The following DRC1 variants were observed in gnomAD, a reference collection of about 807,000 sequenced individuals.
DRC1 encodes dynein regulatory complex subunit 1.
In DRC1, 74 loss-of-function variants were observed where a neutral mutation model predicts 98.7. That is an observed-to-expected ratio of 0.75 (90% CI 0.62 to 0.91). The LOEUF (loss-of-function observed/expected upper bound fraction) is 0.91, where lower values mean the gene tolerates loss of function less well. Among genes scored for constraint, DRC1 ranks in the 40% least tolerant of loss-of-function variants. The probability of loss-of-function intolerance (pLI) is 0.00; values close to 1 mark genes in which losing one functional copy is unlikely to be tolerated. For missense variants in DRC1, 875 were observed against 886.0 expected (o/e 0.99, Z 0.16); for synonymous variants, 336 against 334.1 (o/e 1.01, Z -0.06).
At chr2:26,423,394 C>T (rs1483394994) in intron 3 of DRC1, among the ~76,000 whole-genome samples, 1 of 152,108 alleles carries the variant, frequency 6.6e-6, no homozygotes, top group Non-Finnish European at 1.5e-5. Flanking sequence ...ACTTCGGTTC[C>T]TCAGGGGGTT....
At chr2:26,451,796 C>A (rs986430485) in intron 13 of DRC1, among the ~76,000 whole-genome samples, 4 of 152,236 alleles carry the variant, frequency 2.6e-5, no homozygotes, top group African/African-American at 9.6e-5. Flanking sequence ...AATTTAAAAA[C>A]AATTCTGTAG....
rs1664077811 is a variant in DRC1 at position 26,454,048 on chromosome 2, G to A, written c.1919+499G>A. Among the ~76,000 whole-genome samples, 1 of 152,206 alleles carries A rather than the reference G, an allele frequency of 6.6e-6. No homozygotes were observed. The highest frequency in any genetic ancestry group is 6.5e-5 in the Admixed American group (1 of 15,290). ...CAGGAGGTCTGGCTGGAGTGTCAAG[G>A]GCCTGGGAGGTGGCACTGGTGGGTG... On this transcript the variant is annotated intron_variant, in intron 14 of 16. Coordinates refer to ENST00000288710, the MANE Select transcript of DRC1 (RefSeq NM_145038.5). The surrounding 1 kb of genome is among the most constrained non-coding windows in gnomAD (Gnocchi z 5.2).
At chr2:26,410,119 A>T (rs1051632273) in intron 1 of DRC1, among the ~76,000 whole-genome samples, 2 of 151,732 alleles carry the variant, frequency 1.3e-5, no homozygotes, top group African/African-American at 4.8e-5. Flanking sequence ...TCAGAGAAAA[A>T]AAATAGAGCT....
intron 10 of DRC1, among the ~76,000 whole-genome samples, chr2:26,447,608 C>A (rs917876833): frequency 6.6e-6 from 1 of 151,600 alleles, no homozygotes; most frequent in Non-Finnish European, 1.5e-5. Flanking sequence ...ACTCTGTTGC[C>A]CAGGCTGGAG....
intron 10 of DRC1, 53 bp from the exon 11 acceptor site, chr2:26,448,638 T>C: frequency 6.3e-7 from 1 of 1,579,750 alleles, no homozygotes; most frequent in Non-Finnish European, 8.7e-7. Flanking sequence ...GTCAACTAGC[T>C]CCAGAAATTA....
At chr2:26,451,091 T>C (rs1359017552) in intron 13 of DRC1, among the ~76,000 whole-genome samples, 1 of 152,238 alleles carries the variant, frequency 6.6e-6, no homozygotes, top group Non-Finnish European at 1.5e-5. Flanking sequence ...TGTCTTTGAG[T>C]AGCACTTCTG....
intron 3 of DRC1, among the ~76,000 whole-genome samples, chr2:26,422,763 A>G (rs1450420224): frequency 6.6e-6 from 1 of 151,916 alleles, no homozygotes; most frequent in Non-Finnish European, 1.5e-5. Flanking sequence ...TAAGAACACA[A>G]AAAATTAGCT....
chr2:26,408,284 C>CTA (rs151331017), intron 1 of DRC1, among the ~76,000 whole-genome samples: 1,541 of 152,096 alleles, frequency 0.01, 31 homozygotes, highest in African/African-American at 0.035. Flanking sequence ...TTGGGGGATG[C>CTA]TAGACAGAGG....
intron 9 of DRC1, 143 bp from the exon 10 acceptor site, chr2:26,444,573 A>G: frequency 9.7e-7 from 1 of 1,025,774 alleles, no homozygotes; most frequent in Non-Finnish European, 1.4e-6. Context: ...AGTTTATCGT[A>G]AGTGGGAATC....
chr2:26,418,526 T>C (rs1452461412), intron 2 of DRC1, among the ~76,000 whole-genome samples: 1 of 116,006 alleles, frequency 8.6e-6, no homozygotes, highest in Non-Finnish European at 1.6e-5. Context: ...TATATATTAA[T>C]AATATACAAT....
intron 2 of DRC1, among the ~76,000 whole-genome samples, chr2:26,418,845 G>T: frequency 7.6e-6 from 1 of 130,772 alleles, no homozygotes; most frequent in Middle Eastern, 4.2e-3. Context: ...TATATATAAA[G>T]CATATTATAT....
At position 26,424,147 on chromosome 2, in the gene DRC1, G is replaced by A. The variant is rs949641914; in HGVS notation, c.357-124G>A. The stretch of plus-strand genomic sequence containing the variant: ...TCAGCATTGAGTTTGATTTTGGGCG[G>A]GTGTGTTTGGGCAGTGCCTAGTACC... On this transcript the variant is annotated intron_variant, in intron 3 of 16. Transcript: ENST00000288710. 1.4e-5 allele frequency: 15 copies of A among 1,097,600 alleles called. No individual in the cohort carries two copies. In the Admixed American group the frequency reaches 1.8e-4, roughly 13 times the overall value. 68.0% of individuals were successfully genotyped at this position (1,097,600 alleles called of 1,614,324 possible). A position where few individuals can be genotyped will look rare whatever the true frequency, so the allele number is the denominator to read the frequency against.
In DRC1 at chr2:26,429,615, T is replaced by C. The variant is rs1663379283; in HGVS notation, c.541-13T>C. On this transcript the variant is annotated splice_polypyrimidine_tract_variant and intron_variant, in intron 4 of 16. Transcript: ENST00000288710. ...CACAGTTTGTGGCCAGACTTTTACATGCTCTTTTCTAGGAGTTAAAAACAA... is the reference window on the plus strand; with the variant it reads ...CACAGTTTGTGGCCAGACTTTTACACGCTCTTTTCTAGGAGTTAAAAACAA... 6.2e-7 allele frequency: 1 copy of C among 1,612,830 alleles called. No individual in the cohort carries two copies. Among genetic ancestry groups the C allele is most frequent in the South Asian group, 1.1e-5 (1 of 91,038 alleles).
At chr2:26,404,164 G>T (rs1232612590) in intron 1 of DRC1, among the ~76,000 whole-genome samples, 1 of 152,136 alleles carries the variant, frequency 6.6e-6, no homozygotes, top group East Asian at 1.9e-4. Flanking sequence ...TGGTGGACTG[G>T]ATCTGTCCCA....
At chr2:26,426,492 G>A (rs1171329975) in intron 4 of DRC1, among the ~76,000 whole-genome samples, 4 of 151,162 alleles carry the variant, frequency 2.6e-5, no homozygotes, top group African/African-American at 7.3e-5. Flanking sequence ...TCAGCCTCCC[G>A]AGAAGCTGAG....
chr2:26,419,858 T>C (rs928291175), intron 2 of DRC1, among the ~76,000 whole-genome samples: 3 of 152,216 alleles, frequency 2.0e-5, no homozygotes, highest in Non-Finnish European at 4.4e-5. Flanking sequence ...AAGAGGGATT[T>C]AGAAGGATGG....
At chr2:26,423,621 T>C (rs188100615) in intron 3 of DRC1, among the ~76,000 whole-genome samples, 4 of 152,348 alleles carry the variant, frequency 2.6e-5, no homozygotes, top group Admixed American at 2.6e-4. Context: ...TCCATATTTG[T>C]ACATTCCACT....
intron 7 of DRC1, among the ~76,000 whole-genome samples, chr2:26,439,936 TACAC>T (rs1553342452): frequency 1.6e-4 from 12 of 75,498 alleles, no homozygotes; most frequent in South Asian, 5.2e-4. Context: ...TATATATATA[TACAC>T]ACACACATAC....
chr2:26,448,387 C>T (rs1209770083), intron 10 of DRC1: 1 of 561,324 alleles, frequency 1.8e-6, no homozygotes, highest in Non-Finnish European at 3.5e-6. Context: ...CCTCCCACTT[C>T]CTGGTTCATG....
Sources: gnomAD v4.1 joint callset for allele counts (sites outside exome capture counted in the v4.1 genomes callset) on GRCh38, gnomAD v4.1.1 for gene constraint, Gnocchi (gnomAD v3.1) non-coding constraint, MANE v1.5 for transcripts, NCBI Gene and HGNC (gene_info 2026-07-23, HGNC 2026-07-21) for gene names.